The following EXD3 variants were observed in gnomAD, a reference collection of about 807,000 sequenced individuals.
The protein encoded by EXD3 is exonuclease mut-7 homolog.
Under a neutral mutation model 98.0 loss-of-function variants are expected in EXD3, and 92 were observed. The observed-to-expected ratio is 0.94, with a 90% CI of 0.79 to 1.12. The LOEUF (loss-of-function observed/expected upper bound fraction) is 1.12, where lower values mean the gene tolerates loss of function less well. Ranked by LOEUF, EXD3 falls within the 50% of genes most tolerant of loss-of-function variation. The probability of loss-of-function intolerance (pLI) is 0.00; values close to 1 mark genes in which losing one functional copy is unlikely to be tolerated. For missense variants in EXD3, 1,222 were observed against 1,191.6 expected (o/e 1.03, Z -0.38); for synonymous variants, 569 against 526.0 (o/e 1.08, Z -1.12).
intron 5 of EXD3, among the ~76,000 whole-genome samples, chr9:137,370,253 T>C (rs1398749211): frequency 6.6e-6 from 1 of 152,224 alleles, no homozygotes; most frequent in Non-Finnish European, 1.5e-5. Flanking sequence ...CGTCTGGTCA[T>C]TTCTGTCTGA....
At chr9:137,356,505 C>T (rs1361747378) in intron 7 of EXD3, 137 bp from the exon 8 acceptor site, 2 of 617,110 alleles carry the variant, frequency 3.2e-6, no homozygotes, top group Non-Finnish European at 5.8e-6. Context: ...GCGTCACCGC[C>T]CCCCGCCCAC....
At chr9:137,388,270 G>C (rs768090006) in intron 2 of EXD3, among the ~76,000 whole-genome samples, 5 of 152,156 alleles carry the variant, frequency 3.3e-5, no homozygotes, top group Non-Finnish European at 4.4e-5. Context: ...GTTGGCCTGA[G>C]GGTGTCCAGG....
At chr9:137,355,502 A>AGAATG (rs1834631742) in intron 8 of EXD3, among the ~76,000 whole-genome samples, 1 of 126,080 alleles carries the variant, frequency 7.9e-6, no homozygotes, top group African/African-American at 3.3e-5. Context: ...TGGAGGAAGG[A>AGAATG]GGAAGGAGGA....
chr9:137,387,075 C>T (rs1356410486), intron 2 of EXD3, among the ~76,000 whole-genome samples: 3 of 148,764 alleles, frequency 2.0e-5, no homozygotes, highest in Non-Finnish European at 4.4e-5. Flanking sequence ...GCTTGGCCCC[C>T]GGCCCTTGCT....
At chr9:137,387,211 T>C (rs1024777971) in intron 2 of EXD3, among the ~76,000 whole-genome samples, 7 of 151,720 alleles carry the variant, frequency 4.6e-5, no homozygotes, top group African/African-American at 1.7e-4. Flanking sequence ...GTCGCTTCAC[T>C]GTGGCCTCAA....
At chr9:137,355,491 ATGGAGGAAGGAGG>A (rs1564508284) in intron 8 of EXD3, among the ~76,000 whole-genome samples, 101 of 40,168 alleles carry the variant, frequency 2.5e-3, no homozygotes, top group Non-Finnish European at 3.2e-3. Flanking sequence ...AGGAAGGAGG[ATGGAGGAAGGAGG>A]AAGGAGGAAG....
rs773036256 is a variant in EXD3 at position 137,349,413 on chromosome 9, T to C, written c.1613A>G (p.Asn538Ser). The change falls in exon 15 of 22, where the codon AAC becomes AGC. Residue 538 changes from asparagine to serine, a missense_variant. Asn to Ser is a conservative substitution (Grantham distance 46). Coordinates refer to ENST00000340951, the MANE Select transcript of EXD3 (RefSeq NM_017820.5). This position sits in a 1 kb window ranked among gnomAD's most constrained non-coding sequence, Gnocchi z 7.4. ...CTCGCAGAGCGGCCTCCGGTCCCAG[T>C]TGGACAGCTGCTGCGTCTTGTCCAG... The part of the protein sequence containing the change: ...TALDKTQQLS[N>S]WDRRPLCEEQ... The C allele has an allele frequency of 6.3e-6, 10 of 1,599,314 alleles. No individual in the cohort carries two copies. In the South Asian group the frequency reaches 6.7e-5, roughly 11 times the overall value.
chr9:137,340,204 G>A (rs1286018208), intron 17 of EXD3, among the ~76,000 whole-genome samples: 1 of 152,200 alleles, frequency 6.6e-6, no homozygotes, highest in African/African-American at 2.4e-5. Flanking sequence ...GAGGCGGGGC[G>A]TGGTGGCTCA....
At position 137,383,392 on chromosome 9, in the gene EXD3, T is replaced by C. The variant is rs375530432; in HGVS notation, c.56-15A>G. 4.6e-6 allele frequency: 7 copies of C among 1,534,186 alleles called. No homozygotes were observed. Among genetic ancestry groups the C allele is most frequent in the African/African-American group, 4.2e-5 (3 of 72,108 alleles). On this transcript the variant is annotated splice_polypyrimidine_tract_variant and intron_variant, in intron 2 of 21. Coordinates refer to ENST00000340951, the MANE Select transcript of EXD3 (RefSeq NM_017820.5). Reference sequence around the variant, plus strand: ...GGGGTCCCGGCCTGTGGAGATAAGATAACAGCCGTGGGAGGGAGAGGCAGG... The same window carrying C: ...GGGGTCCCGGCCTGTGGAGATAAGACAACAGCCGTGGGAGGGAGAGGCAGG...
chr9:137,422,126 A>C (rs916229660), intron 1 of EXD3, among the ~76,000 whole-genome samples: 18 of 151,564 alleles, frequency 1.2e-4, no homozygotes, highest in Non-Finnish European at 2.5e-4. Context: ...AAAAAAAAAA[A>C]AAAAAAAACT....
At chr9:137,330,357 C>A (rs1257315230) in intron 17 of EXD3, among the ~76,000 whole-genome samples, 2 of 140,046 alleles carry the variant, frequency 1.4e-5, no homozygotes, top group African/African-American at 5.6e-5. Flanking sequence ...CAGGACTACA[C>A]AGGAGCTACA....
Position 137,402,241 on chromosome 9 carries a change from C to G in EXD3, c.-47-6837G>C, listed in dbSNP as rs956616404. ...ATATTGGTCAGGCCGGTCTTGAACT[C>G]CTGACCTCGTGATCCGCCCGTCTCA... On this transcript the variant is annotated intron_variant, in intron 1 of 21. Transcript: ENST00000340951. 5.9e-5 allele frequency among the ~76,000 whole-genome samples: 9 copies of G among 152,172 alleles called. No individual in the cohort carries two copies. The South Asian group carries it at 1.2e-3, about 21-fold the overall frequency.
rs80239319 is a variant in EXD3 at position 137,403,710 on chromosome 9, G to A, written c.-47-8306C>T. On this transcript the variant is annotated intron_variant, in intron 1 of 21. Transcript: ENST00000340951. The surrounding 1 kb of genome is among the most constrained non-coding windows in gnomAD (Gnocchi z 6.1). ...CAGGGTCTTAGGGCTCCTCCCAGCAGGGCAGACCCAGCCACGCAGAGCCCA... is the reference window on the plus strand; with the variant it reads ...CAGGGTCTTAGGGCTCCTCCCAGCAAGGCAGACCCAGCCACGCAGAGCCCA... Among the ~76,000 whole-genome samples the A allele has an allele frequency of 0.011, 1,716 of 152,292 alleles. 37 individuals are homozygous for A. The highest frequency in any genetic ancestry group is 0.039 in the African/African-American group (1,623 of 41,548).
chr9:137,366,469 C>G, intron 7 of EXD3, 24 bp downstream of exon 7: 5 of 1,536,892 alleles, frequency 3.3e-6, no homozygotes, highest in Non-Finnish European at 4.4e-6. Flanking sequence ...CTGGTGCCAG[C>G]TGCCAGCGCC....
At chr9:137,363,673 T>TC (rs1197487870) in intron 7 of EXD3, among the ~76,000 whole-genome samples, 1 of 152,108 alleles carries the variant, frequency 6.6e-6, no homozygotes. Context: ...TTTGAAAACT[T>TC]CACTACTGAA....
chr9:137,316,764 C>G (rs936165302), intron 19 of EXD3, among the ~76,000 whole-genome samples: 5 of 152,162 alleles, frequency 3.3e-5, no homozygotes, highest in Non-Finnish European at 7.4e-5. Context: ...GGGGCTGAGT[C>G]TAAGAGGAGG....
At chr9:137,357,918 C>G (rs564700869) in intron 7 of EXD3, among the ~76,000 whole-genome samples, 4 of 152,034 alleles carry the variant, frequency 2.6e-5, no homozygotes, top group Admixed American at 2.0e-4. Context: ...AAGATGTAGG[C>G]TGGGAGGGTA....
At chr9:137,354,274 G>T in intron 10 of EXD3, 65 bp downstream of exon 10, 1 of 1,591,242 alleles carries the variant, frequency 6.3e-7, no homozygotes, top group Non-Finnish European at 8.6e-7. Context: ...GAGGCTCCGG[G>T]CCTGTGCCCC....
intron 19 of EXD3, among the ~76,000 whole-genome samples, chr9:137,315,810 G>A (rs1384664136): frequency 8.6e-5 from 13 of 151,774 alleles, no homozygotes; most frequent in Admixed American, 6.6e-4. Flanking sequence ...CCCACTCCCC[G>A]CCCAGACCCG....
Sources: gnomAD v4.1 joint callset for allele counts (sites outside exome capture counted in the v4.1 genomes callset) on GRCh38, gnomAD v4.1.1 for gene constraint, Gnocchi (gnomAD v3.1) non-coding constraint, MANE v1.5 for transcripts, NCBI Gene and HGNC (gene_info 2026-07-23, HGNC 2026-07-21) for gene names.